Variants in HOMER1 observed in about 807,000 individuals in gnomAD.
HOMER1 encodes homer scaffold protein 1, also known as homer protein homolog 1.
HOMER1 carries 3 observed loss-of-function variants against 48.9 expected under a neutral mutation model. The ratio of observed to expected loss-of-function variants is 0.06; its 90% CI spans 0.03 to 0.16. The LOEUF is 0.16. Among genes scored for constraint, HOMER1 ranks in the 10% least tolerant of loss-of-function variants. HOMER1 has a pLI of 1.00. For missense variants in HOMER1, 247 were observed against 411.4 expected, an observed-to-expected ratio of 0.60 and a Z score of 3.46; for synonymous variants, 134 against 146.4, an observed-to-expected ratio of 0.92 and a Z score of 0.61.
intron 5 of HOMER1, among the ~76,000 whole-genome samples, chr5:79,415,217 C>G (rs1165352995): frequency 6.6e-6 from 1 of 151,560 alleles, no homozygotes; most frequent in Non-Finnish European, 1.5e-5. Context: ...CCACGCCTGG[C>G]TATTTTTTGT....
chr5:79,510,700 C>CA, intron 1 of HOMER1: 1 of 855,244 alleles, frequency 1.2e-6, no homozygotes, highest in Non-Finnish European at 2.0e-6. Flanking sequence ...CAAAGGGTGT[C>CA]AGCCGCAAGC....
intron 1 of HOMER1, among the ~76,000 whole-genome samples, chr5:79,475,689 G>A (rs2112332950): frequency 6.6e-6 from 1 of 152,162 alleles, no homozygotes; most frequent in Non-Finnish European, 1.5e-5. Context: ...ATAGAAGTGG[G>A]ATCATTCTAT....
At chr5:79,416,107 A>G (rs1201849325) in intron 5 of HOMER1, among the ~76,000 whole-genome samples, 1 of 152,224 alleles carries the variant, frequency 6.6e-6, no homozygotes, top group East Asian at 1.9e-4. Flanking sequence ...AAAAGCCGAA[A>G]AGATTTAACA....
intron 1 of HOMER1, among the ~76,000 whole-genome samples, chr5:79,464,784 T>C (rs1242231499): frequency 3.3e-5 from 5 of 152,200 alleles, no homozygotes; most frequent in Admixed American, 1.3e-4. Flanking sequence ...TGCCATGATA[T>C]GTGTAATAAG....
chr5:79,499,240 T>C (rs1265152105), intron 1 of HOMER1, among the ~76,000 whole-genome samples: 1 of 152,180 alleles, frequency 6.6e-6, no homozygotes, highest in Non-Finnish European at 1.5e-5. Flanking sequence ...ATGTATTATG[T>C]AAATAGATGC....
intron 8 of HOMER1, among the ~76,000 whole-genome samples, chr5:79,383,377 A>G (rs1749028364): frequency 6.6e-6 from 1 of 151,762 alleles, no homozygotes; most frequent in African/African-American, 2.4e-5. Flanking sequence ...ACAGACATTT[A>G]CAGAACATCT....
intron 1 of HOMER1, among the ~76,000 whole-genome samples, chr5:79,475,400 T>C (rs918742614): frequency 2.7e-5 from 4 of 148,096 alleles, no homozygotes; most frequent in African/African-American, 9.9e-5. Context: ...AGGTGTTCAA[T>C]AAATGCTGAA....
At chr5:79,479,887 A>G (rs1751899096) in intron 1 of HOMER1, among the ~76,000 whole-genome samples, 1 of 152,242 alleles carries the variant, frequency 6.6e-6, no homozygotes, top group Non-Finnish European at 1.5e-5. Context: ...TCTTAATAAA[A>G]GGAACTTTAT....
At chr5:79,444,180 A>G (rs1311156238) in intron 4 of HOMER1, among the ~76,000 whole-genome samples, 2 of 152,178 alleles carry the variant, frequency 1.3e-5, no homozygotes, top group Non-Finnish European at 2.9e-5. Flanking sequence ...CTGAGAATCA[A>G]GTAGGGTAGG....
chr5:79,501,943 A>C (rs1752604039), intron 1 of HOMER1, among the ~76,000 whole-genome samples: 1 of 152,194 alleles, frequency 6.6e-6, no homozygotes, highest in Non-Finnish European at 1.5e-5. Context: ...AAAGAATAAG[A>C]TAAAATTTGA....
intron 5 of HOMER1, among the ~76,000 whole-genome samples, chr5:79,402,331 AATTTTTTTGT>A (rs1749554697): frequency 6.6e-6 from 1 of 151,796 alleles, no homozygotes; most frequent in Non-Finnish European, 1.5e-5. Flanking sequence ...ATGCCCAGTT[AATTTTTTTGT>A]ATTTTTTTAG....
At chr5:79,431,537 T>C (rs531685256) in intron 5 of HOMER1, among the ~76,000 whole-genome samples, 9 of 152,196 alleles carry the variant, frequency 5.9e-5, no homozygotes, top group African/African-American at 1.9e-4. Flanking sequence ...AACGAAAATG[T>C]TCTAAAATTC....
rs1219687998 is a variant in HOMER1, at chr5:79,397,548, C to T, written c.774G>A (p.Glu258=). ...ELNQTIQELE[E]TLKLKEEEIE... ...ATACCTCTTCCTTCAGTTTCAGTGT[C>T]TCTTCCAGTTCTTGTATTGTCTGAT... The change falls in exon 7 of 9, where the codon GAG becomes GAA. Residue 258 remains glutamate, a synonymous_variant. Coordinates refer to ENST00000334082, the MANE Select transcript of HOMER1 (RefSeq NM_004272.5). 3 of 1,601,070 alleles carry T rather than the reference C, an allele frequency of 1.9e-6. No homozygotes were observed. Among genetic ancestry groups the T allele is most frequent in the African/African-American group, 1.3e-5 (1 of 74,518 alleles).
chr5:79,483,699 T>C (rs1209239763), intron 1 of HOMER1, among the ~76,000 whole-genome samples: 5 of 148,640 alleles, frequency 3.4e-5, no homozygotes, highest in African/African-American at 1.0e-4. Context: ...TGCAGGTAAA[T>C]ACATATATAT....
intron 5 of HOMER1, among the ~76,000 whole-genome samples, chr5:79,430,585 A>G (rs188793400): frequency 2.0e-5 from 3 of 152,378 alleles, no homozygotes; most frequent in Non-Finnish European, 4.4e-5. Flanking sequence ...CATTATTCAT[A>G]ATATTGGAAC....
chr5:79,452,168 A>G (rs1416528505), intron 2 of HOMER1, among the ~76,000 whole-genome samples: 1 of 152,224 alleles, frequency 6.6e-6, no homozygotes, highest in Non-Finnish European at 1.5e-5. Flanking sequence ...ATCCACGTAT[A>G]AGTGAACCTG....
Position 79,431,517 on chromosome 5 carries a change from G to A in HOMER1, c.527+7493C>T, listed in dbSNP as rs77889737. Among the ~76,000 whole-genome samples the A allele has an allele frequency of 8.2e-3, 1,250 of 152,176 alleles. 14 individuals are homozygous for A. The highest frequency in any genetic ancestry group is 0.027 in the African/African-American group (1,116 of 41,526). ...ACTAATGAGTACAGGGTTTTTTGGG[G>A]GTGGGGAGTAACGAAAATGTTCTAA... is the stretch of plus-strand genomic sequence containing the variant. On this transcript the variant is annotated intron_variant, in intron 5 of 8. Coordinates refer to ENST00000334082, the MANE Select transcript of HOMER1 (RefSeq NM_004272.5).
At chr5:79,479,490 T>A (rs1751886220) in intron 1 of HOMER1, among the ~76,000 whole-genome samples, 1 of 152,138 alleles carries the variant, frequency 6.6e-6, no homozygotes, top group Non-Finnish European at 1.5e-5. Flanking sequence ...ATTTGAAGAT[T>A]CCATGTGCTG....
At chr5:79,498,376 A>G (rs1453345902) in intron 1 of HOMER1, among the ~76,000 whole-genome samples, 1 of 152,200 alleles carries the variant, frequency 6.6e-6, no homozygotes, top group Non-Finnish European at 1.5e-5. Flanking sequence ...AGCCTGGGCA[A>G]CAAGAGTGAA....
Sources: allele counts gnomAD v4.1 joint callset (sites outside exome capture counted in the v4.1 genomes callset), GRCh38; gene constraint gnomAD v4.1.1; transcripts MANE v1.5; gene names NCBI Gene and HGNC (gene_info 2026-07-23, HGNC 2026-07-21).